Variants in SCYL1 observed in about 807,000 individuals in gnomAD.
SCYL1 encodes SCY1 like pseudokinase 1, also known as N-terminal kinase-like protein.
A neutral mutation model predicts 94.8 loss-of-function variants in SCYL1; 85 were observed. The ratio of observed to expected loss-of-function variants is 0.90; its 90% CI spans 0.75 to 1.07. The LOEUF (loss-of-function observed/expected upper bound fraction) is 1.07. Among genes scored for constraint, SCYL1 ranks in the 50% least tolerant of loss-of-function variants. SCYL1 has a pLI of 0.00. For missense variants in SCYL1, 968 were observed against 1,083.3 expected, an observed-to-expected ratio of 0.89 and a Z score of 1.49; for synonymous variants, 459 against 435.5, an observed-to-expected ratio of 1.05 and a Z score of -0.67.
chr11:65,534,720 C>T (rs369314819), intron 9 of SCYL1, among the ~76,000 whole-genome samples: 10 of 152,234 alleles, frequency 6.6e-5, no homozygotes, highest in East Asian at 1.9e-4. Flanking sequence ...AGATTGGCTC[C>T]GGGTGTGTGA....
Position 65,526,668 on chromosome 11 carries a change from C to T in SCYL1, c.603-115C>T. The stretch of plus-strand genomic sequence containing the variant: ...AACCTGCCTCTTGGGACTGATGGCT[C>T]AGCTGAGGGACATAGCCAGGCCCTG... On this transcript the variant is annotated intron_variant, in intron 4 of 17. Transcript: ENST00000270176. The surrounding 1 kb of genome is among the most constrained non-coding windows in gnomAD (Gnocchi z 4.1). 1.0e-6 allele frequency: 1 copy of T among 988,742 alleles called. No individual in the cohort carries two copies. The highest frequency in any genetic ancestry group is 1.5e-6 in the Non-Finnish European group (1 of 665,586). The allele number at this position is 988,742 out of a possible 1,614,324, so 61.2% of individuals were successfully genotyped here.
At position 65,538,600 on chromosome 11, in the gene SCYL1, C is replaced by T. The variant is rs1233998874; in HGVS notation, c.*34C>T. The T allele has an allele frequency of 6.3e-7, 1 of 1,597,888 alleles. No individual in the cohort carries two copies. Among genetic ancestry groups the T allele is most frequent in the Admixed American group, 1.7e-5 (1 of 59,222 alleles). ...GGTGGCCCTTCCCGGCTGCGGAGAG[C>T]CCGCCCCACAGATGTATTTATTGTA... On this transcript the variant is annotated 3_prime_UTR_variant, in exon 18 of 18. Coordinates refer to ENST00000270176, the MANE Select transcript of SCYL1 (RefSeq NM_020680.4).
Position 65,538,176 on chromosome 11 carries a change from C to T in SCYL1, c.2241C>T (p.Ser747=). The change falls in exon 16 of 18, where the codon AGC becomes AGT. Residue 747 remains serine, a synonymous_variant. Transcript: ENST00000270176. Reference sequence around the variant, plus strand: ...TCGCTACCCTGTCTGCACGTCCCAGCACCCAGGTACCCAGCACAGGTCTGG... The same window carrying T: ...TCGCTACCCTGTCTGCACGTCCCAGTACCCAGGTACCCAGCACAGGTCTGG... The part of the protein sequence containing the change: ...DPFATLSARP[S]TQPRPDSWGE... The T allele has an allele frequency of 6.3e-7, 1 of 1,583,476 alleles. No individual in the cohort carries two copies. Among genetic ancestry groups the T allele is most frequent in the Non-Finnish European group, 8.6e-7 (1 of 1,164,718 alleles).
In SCYL1 at chr11:65,538,311, C is replaced by G. The variant is rs1460881991; in HGVS notation, c.2289C>G (p.Leu763=). 2 of 1,550,184 alleles carry G rather than the reference C, an allele frequency of 1.3e-6. No individual in the cohort carries two copies. The highest frequency in any genetic ancestry group is 4.9e-5 in the East Asian group (2 of 40,978). ...GGGGTGAGGACAACTGGGAGGGCCT[C>G]GAGACTGACAGTCGTAAGTGCTTCC... ...DSWGEDNWEG[L]ETDSRQVKAE... Residue 763 remains leucine (L), a synonymous_variant, in exon 17 of 18, where the codon CTC becomes CTG. Transcript: ENST00000270176.
At position 65,538,641 on chromosome 11, in the gene SCYL1, C is replaced by T. The variant is rs965622485; in HGVS notation, c.*75C>T. 3.1e-5 allele frequency: 47 copies of T among 1,502,862 alleles called. No homozygotes were observed. Among genetic ancestry groups the T allele is most frequent in the Non-Finnish European group, 4.0e-5 (45 of 1,119,338 alleles). 93.1% of individuals were successfully genotyped at this position (1,502,862 alleles called of 1,614,324 possible). On this transcript the variant is annotated 3_prime_UTR_variant, in exon 18 of 18. Coordinates refer to ENST00000270176, the MANE Select transcript of SCYL1 (RefSeq NM_020680.4). ...ATTTATTGTACAAACCATGTGAGCC[C>T]GGCCGGCCCAGCCAGGCCATCTCAC... is the stretch of plus-strand genomic sequence containing the variant.
At chr11:65,535,067 C>T in intron 9 of SCYL1, 160 bp from the exon 10 acceptor site, 1 of 806,482 alleles carries the variant, frequency 1.2e-6, no homozygotes, top group Non-Finnish European at 1.9e-6. Flanking sequence ...GAAATGGGGT[C>T]CCTTTCTTCA....
At chr11:65,533,001 C>T (rs1428133049) in intron 9 of SCYL1, 196 bp downstream of exon 9, 3 of 570,238 alleles carry the variant, frequency 5.3e-6, no homozygotes, top group Admixed American at 2.8e-5. Context: ...CGAGCATCTG[C>T]CTGTTCCTGG....
At chr11:65,536,417 T>G in intron 12 of SCYL1, 83 bp downstream of exon 12, 1 of 1,494,378 alleles carries the variant, frequency 6.7e-7, no homozygotes. Context: ...CACTGGAGTT[T>G]CTGAAAGGTC....
rs578183894 is a variant in SCYL1, at chr11:65,527,034, C to T, written c.766C>T (p.Arg256Cys). 1.6e-5 allele frequency: 26 copies of T among 1,613,538 alleles called. No individual in the cohort carries two copies. The highest frequency in any genetic ancestry group is 1.6e-4 in the Middle Eastern group (1 of 6,062). Residue 256 changes from arginine (R) to cysteine (C), a missense_variant, in exon 6 of 18, where the codon CGC becomes TGC. Around this residue, in one of 2 missense-constraint regions of SCYL1, gnomAD observed 494 missense variants for 619.7 expected, o/e 0.80. Coordinates refer to ENST00000270176, the MANE Select transcript of SCYL1 (RefSeq NM_020680.4). Reference protein sequence around the residue: ...ANPKVRPNPARFLQNCRAPGG... With the variant: ...ANPKVRPNPACFLQNCRAPGG... ...CCCCAAGGTGCGTCCCAACCCAGCC[C>T]GCTTCCTGCAGAACTGCCGGGCACC... is the stretch of plus-strand genomic sequence containing the variant.
In SCYL1 at chr11:65,537,870, G is replaced by T; in HGVS notation, c.2021G>T (p.Arg674Leu). 1 of 1,577,394 alleles carries T rather than the reference G, an allele frequency of 6.3e-7. No homozygotes were observed. Among genetic ancestry groups the T allele is most frequent in the Non-Finnish European group, 8.6e-7 (1 of 1,161,346 alleles). Reference protein sequence around the residue: ...DDWSTGGQVSRASQVSNSDHK... With the variant: ...DDWSTGGQVSLASQVSNSDHK... ...TGGAGCACCGGGGGCCAAGTGAGCC[G>T]TGCTAGTCAGGTGAGCTGGGTCTGG... is the stretch of plus-strand genomic sequence containing the variant. The change falls in exon 15 of 18, where the codon CGT becomes CTT. Residue 674 changes from arginine (R) to leucine (L), a missense_variant. This residue lies in a region of SCYL1 where 474 missense variants were observed against 463.6 expected (regional missense o/e 1.02). Transcript: ENST00000270176.
chr11:65,528,648 T>C (rs1245387239), intron 6 of SCYL1, among the ~76,000 whole-genome samples: 1 of 151,470 alleles, frequency 6.6e-6, no homozygotes, highest in Admixed American at 6.6e-5. Context: ...TAATCCCAGC[T>C]ACTCCAGAGG....
chr11:65,531,622 C>CTG lies in SCYL1; in HGVS notation c.1058_1059dup (p.Val354TrpfsTer67). 1.2e-6 allele frequency: 2 copies of CTG among 1,614,178 alleles called. No individual in the cohort carries two copies. The highest frequency in any genetic ancestry group is 8.5e-7 in the Non-Finnish European group (1 of 1,180,024). On this transcript the variant is annotated frameshift_variant, in exon 8 of 18. Transcript: ENST00000270176. LOFTEE classifies it high-confidence loss of function. ...GAGGAGTATCAGCAGAAGATCATCC[C>CTG]TGTGGTGGTCAAGATGTTCTCATCC... is the stretch of plus-strand genomic sequence containing the variant.
chr11:65,525,213 C>T lies in SCYL1; in HGVS notation c.60C>T (p.Pro20=). 1 of 1,458,146 alleles carries T rather than the reference C, an allele frequency of 6.9e-7. No homozygotes were observed. Among genetic ancestry groups the T allele is most frequent in the Non-Finnish European group, 9.1e-7 (1 of 1,101,190 alleles). 90.3% of individuals were successfully genotyped at this position (1,458,146 alleles called of 1,614,324 possible). A position where few individuals can be genotyped will look rare whatever the true frequency, so the allele number is the denominator to read the frequency against. The change falls in exon 1 of 18, where the codon CCC becomes CCT. Residue 20 remains proline, a synonymous_variant. Coordinates refer to ENST00000270176, the MANE Select transcript of SCYL1 (RefSeq NM_020680.4). ...RDFPFELIPE[P]PEGGLPGPWA... ...TTCCGTTCGAGCTCATCCCGGAGCC[C>T]CCAGAGGGCGGCCTGCCCGGGCCCT...
intron 1 of SCYL1, 53 bp downstream of exon 1, chr11:65,525,317 C>T (rs1855019578): frequency 3.1e-6 from 4 of 1,296,644 alleles, no homozygotes; most frequent in Non-Finnish European, 4.1e-6. Flanking sequence ...TTGCCTATTC[C>T]GCGCCGCCGA....
Position 65,538,354 on chromosome 11 carries a change from C to T in SCYL1, c.2302+30C>T, listed in dbSNP as rs1256888752. Reference sequence around the variant, plus strand: ...GTGCTTCCCCTGGGTGGGCTGAAGACTAGGGCTCCCCGACTAGCCCGCCCC... The same window carrying T: ...GTGCTTCCCCTGGGTGGGCTGAAGATTAGGGCTCCCCGACTAGCCCGCCCC... On this transcript the variant is annotated intron_variant, in intron 17 of 17. Coordinates refer to ENST00000270176, the MANE Select transcript of SCYL1 (RefSeq NM_020680.4). 6 of 1,541,570 alleles carry T rather than the reference C, an allele frequency of 3.9e-6. No individual in the cohort carries two copies. In the East Asian group the frequency reaches 1.2e-4, roughly 32 times the overall value.
chr11:65,536,102 C>G lies in SCYL1; in HGVS notation c.1536C>G (p.Cys512Trp), dbSNP rs1042955209. The G allele has an allele frequency of 1.9e-6, 3 of 1,613,998 alleles. No individual in the cohort carries two copies. Among genetic ancestry groups the G allele is most frequent in the Non-Finnish European group, 2.5e-6 (3 of 1,179,986 alleles). The stretch of plus-strand genomic sequence containing the variant: ...CCCAGAAGATCCTGCCTGTGCTCTG[C>G]GGTCTCACTGTAGATCCTGAGAAAT... ...DCAQKILPVL[C>W]GLTVDPEKSV... is the part of the protein sequence containing the mutation. Residue 512 changes from cysteine to tryptophan, a missense_variant, in exon 11 of 18, where the codon TGC becomes TGG. Cys to Trp is a radical substitution (Grantham distance 215). Coordinates refer to ENST00000270176, the MANE Select transcript of SCYL1 (RefSeq NM_020680.4).
At chr11:65,525,439 C>G in intron 1 of SCYL1, 135 bp from the exon 2 acceptor site, 1 of 1,170,504 alleles carries the variant, frequency 8.5e-7, no homozygotes, top group Non-Finnish European at 1.2e-6. Flanking sequence ...GACCGACAGG[C>G]GGACAGGGCC....
chr11:65,525,807 C>T (rs1393022213), intron 2 of SCYL1, 93 bp downstream of exon 2: 1 of 1,578,622 alleles, frequency 6.3e-7, no homozygotes, highest in Admixed American at 1.7e-5. Flanking sequence ...ACCCTATGTG[C>T]CCCAGCACCC....
intron 10 of SCYL1, 46 bp downstream of exon 10, chr11:65,535,428 C>G (rs960350882): frequency 1.2e-6 from 2 of 1,600,320 alleles, no homozygotes; most frequent in Non-Finnish European, 1.7e-6. Flanking sequence ...TGTCGCAGGA[C>G]CACAGCCTCC....
Sources: gnomAD v4.1 joint callset for allele counts (sites outside exome capture counted in the v4.1 genomes callset) on GRCh38, gnomAD v4.1.1 for gene constraint, gnomAD v4.1.1 regional missense constraint, Gnocchi (gnomAD v3.1) non-coding constraint, MANE v1.5 for transcripts, NCBI Gene and HGNC (gene_info 2026-07-23, HGNC 2026-07-21) for gene names.